Variants in CSMD2 observed in about 807,000 individuals in gnomAD.
The protein encoded by CSMD2 is CUB and sushi domain-containing protein 2.
CSMD2 carries 130 observed loss-of-function variants against 398.5 expected under a neutral mutation model. That is an observed-to-expected ratio of 0.33 (90% CI 0.28 to 0.38). The LOEUF (loss-of-function observed/expected upper bound fraction) is 0.38, where lower values mean the gene tolerates loss of function less well. Among genes scored for constraint, CSMD2 ranks in the 10% least tolerant of loss-of-function variants. CSMD2 has a pLI of 1.00. For synonymous variants in CSMD2, 1,828 were observed against 1,908.5 expected (o/e 0.96, Z 1.10); for missense variants, 3,829 against 4,764.9 (o/e 0.80, Z 5.78).
rs185089738 is a variant in CSMD2 at position 33,983,555 on chromosome 1, G to A, written c.518-47601C>T. On this transcript the variant is annotated intron_variant, in intron 3 of 70. Coordinates refer to ENST00000373381, the MANE Select transcript of CSMD2 (RefSeq NM_001281956.2). ...GGGACAGACCTGGTTCTCACAGAACGTCTGCTGTCTTAGTCTATCTCTCCC... is the reference window on the plus strand; with the variant it reads ...GGGACAGACCTGGTTCTCACAGAACATCTGCTGTCTTAGTCTATCTCTCCC... 9.2e-5 allele frequency among the ~76,000 whole-genome samples: 14 copies of A among 152,164 alleles called. No individual in the cohort carries two copies. In the East Asian group the frequency reaches 2.5e-3, roughly 27 times the overall value.
At chr1:33,572,485 C>T in intron 50 of CSMD2, 21 bp downstream of exon 50, 2 of 1,536,906 alleles carry the variant, frequency 1.3e-6, no homozygotes, top group Non-Finnish European at 1.8e-6. Flanking sequence ...TTACACCCGC[C>T]TCCATTGCCC....
At chr1:34,054,184 CCTT>C (rs151105077) in intron 2 of CSMD2, among the ~76,000 whole-genome samples, 9,114 of 152,204 alleles carry the variant, frequency 0.06, 383 homozygotes, top group East Asian at 0.2. Flanking sequence ...CCACAAATGT[CCTT>C]CTTCTCTTCC....
chr1:33,622,583 T>C (rs1158040849), intron 36 of CSMD2, among the ~76,000 whole-genome samples: 1 of 152,164 alleles, frequency 6.6e-6, no homozygotes, highest in Non-Finnish European at 1.5e-5. Flanking sequence ...CCTGTATTAT[T>C]CTCTGGGCAG....
intron 3 of CSMD2, among the ~76,000 whole-genome samples, chr1:34,008,578 T>C (rs1647136180): frequency 6.6e-6 from 1 of 152,216 alleles, no homozygotes; most frequent in African/African-American, 2.4e-5. Flanking sequence ...ATGATGCTGT[T>C]CTGTTCAACA....
chr1:33,712,168 G>T (rs1458890909), intron 21 of CSMD2, among the ~76,000 whole-genome samples: 1 of 152,178 alleles, frequency 6.6e-6, no homozygotes, highest in African/African-American at 2.4e-5. Context: ...TCAGCCTGGG[G>T]CTTCTGAGGC....
At chr1:33,577,615 G>C (rs1638376813) in intron 48 of CSMD2, 131 bp from the exon 49 acceptor site, 1 of 731,388 alleles carries the variant, frequency 1.4e-6, no homozygotes, top group Non-Finnish European at 2.1e-6. Context: ...CTCTGCTGTT[G>C]AGGAAAGTCT....
chr1:33,524,760 C>T, intron 66 of CSMD2, 122 bp downstream of exon 66: 1 of 961,628 alleles, frequency 1.0e-6, no homozygotes, highest in Non-Finnish European at 1.5e-6. Context: ...CTTCCTCTTC[C>T]CTGACCACCA....
chr1:34,059,341 G>A (rs1654207791), intron 2 of CSMD2, among the ~76,000 whole-genome samples: 2 of 152,124 alleles, frequency 1.3e-5, no homozygotes, highest in Admixed American at 1.3e-4. Flanking sequence ...CTGGCTCACA[G>A]CTTTTTGCTA....
chr1:33,677,125 T>G (rs1455668014), intron 25 of CSMD2, among the ~76,000 whole-genome samples: 1 of 152,062 alleles, frequency 6.6e-6, no homozygotes, highest in Non-Finnish European at 1.5e-5. Flanking sequence ...CTAATTAAAC[T>G]AAAGAGCTTC....
At chr1:33,888,120 C>T (rs996831471) in intron 5 of CSMD2, among the ~76,000 whole-genome samples, 1 of 151,928 alleles carries the variant, frequency 6.6e-6, no homozygotes, top group African/African-American at 2.4e-5. Flanking sequence ...TTAAAAAAGG[C>T]CTGGAAAATA....
chr1:33,724,376 C>T, intron 18 of CSMD2, 63 bp from the exon 19 acceptor site: 2 of 1,500,458 alleles, frequency 1.3e-6, no homozygotes, highest in Non-Finnish European at 1.8e-6. Context: ...CCCCGTCATC[C>T]TCCTGGGACC....
chr1:33,599,948 C>G, intron 44 of CSMD2: 1 of 591,276 alleles, frequency 1.7e-6, no homozygotes, highest in Admixed American at 3.3e-5. Flanking sequence ...GATACTGCAG[C>G]AGATACTGCG....
At chr1:33,623,495 T>A in intron 35 of CSMD2, 29 bp from the exon 36 acceptor site, 1 of 1,543,356 alleles carries the variant, frequency 6.5e-7, no homozygotes, top group Non-Finnish European at 9.0e-7. Context: ...GAATTGTTGG[T>A]TAGGCAGCCT....
intron 5 of CSMD2, among the ~76,000 whole-genome samples, chr1:33,856,495 C>T (rs578103307): frequency 5.9e-5 from 9 of 152,142 alleles, no homozygotes; most frequent in Non-Finnish European, 1.0e-4. Flanking sequence ...AGGGTGGCAC[C>T]GCTTGCCTTG....
chr1:33,637,314 A>T (rs1265850682), intron 29 of CSMD2, among the ~76,000 whole-genome samples: 1 of 152,222 alleles, frequency 6.6e-6, no homozygotes, highest in African/African-American at 2.4e-5. Context: ...GGTGCTTGCC[A>T]GTTTATGAAA....
At chr1:34,015,867 C>T (rs775219194) in intron 3 of CSMD2, among the ~76,000 whole-genome samples, 16 of 152,126 alleles carry the variant, frequency 1.1e-4, no homozygotes, top group African/African-American at 1.9e-4. Flanking sequence ...GCTTCTCACA[C>T]GAATAAATCT....
At chr1:34,071,807 A>G (rs1470179218) in intron 2 of CSMD2, among the ~76,000 whole-genome samples, 2 of 152,272 alleles carry the variant, frequency 1.3e-5, no homozygotes, top group Non-Finnish European at 2.9e-5. Context: ...GGAATTGCTG[A>G]AACAGCCAAG....
chr1:33,787,572 T>C (rs1052860240), intron 12 of CSMD2, among the ~76,000 whole-genome samples: 2 of 152,200 alleles, frequency 1.3e-5, no homozygotes, highest in Admixed American at 6.5e-5. Context: ...GGCAGCTCTT[T>C]TGCATGCCAC....
chr1:33,913,838 C>A (rs546085868), intron 5 of CSMD2, among the ~76,000 whole-genome samples: 12 of 151,974 alleles, frequency 7.9e-5, no homozygotes, highest in African/African-American at 2.7e-4. Context: ...TGGAGAGACT[C>A]AGATGGAGAG....
Sources: gnomAD v4.1 joint callset for allele counts (sites outside exome capture counted in the v4.1 genomes callset) on GRCh38, gnomAD v4.1.1 for gene constraint, MANE v1.5 for transcripts, NCBI Gene and HGNC (gene_info 2026-07-23, HGNC 2026-07-21) for gene names.